The following FAM98C variants were observed in gnomAD, a reference collection of about 807,000 sequenced individuals.
FAM98C encodes the protein tRNA splicing ligase complex subunit 3C, also known as protein FAM98C.
A neutral mutation model predicts 41.1 loss-of-function variants in FAM98C; 38 were observed. That is an observed-to-expected ratio of 0.92 (90% CI 0.71 to 1.21). The LOEUF (loss-of-function observed/expected upper bound fraction) is 1.21, where lower values mean the gene tolerates loss of function less well. FAM98C is among the 50% of genes most tolerant of loss of function. FAM98C has a pLI of 0.00. For missense variants in FAM98C, 493 were observed against 484.7 expected, an observed-to-expected ratio of 1.02 and a Z score of -0.16; for synonymous variants, 195 against 216.7, an observed-to-expected ratio of 0.90 and a Z score of 0.88.
In FAM98C at chr19:38,403,376, C is replaced by A. The variant is rs760259240; in HGVS notation, c.104C>A (p.Ser35Ter). 35 of 1,470,630 alleles carry A rather than the reference C, an allele frequency of 2.4e-5. No homozygotes were observed. Among genetic ancestry groups the A allele is most frequent in the Non-Finnish European group, 3.1e-5 (35 of 1,125,640 alleles). The allele number at this position is 1,470,630 out of a possible 1,614,324, so 91.1% of individuals were successfully genotyped here. A position where few individuals can be genotyped will look rare whatever the true frequency, so the allele number is the denominator to read the frequency against. ...GVPGAASRGA[S>*]CPDFRGLCVR... ...CCGGGGGCGGCGTCGCGGGGCGCCTCATGCCCAGACTTCAGGGGGCTGTGC... is the reference window on the plus strand; with the variant it reads ...CCGGGGGCGGCGTCGCGGGGCGCCTAATGCCCAGACTTCAGGGGGCTGTGC... Residue 35 changes from serine to a stop codon, truncating the protein, a stop_gained, in exon 2 of 8, where the codon TCA becomes TAA. Coordinates refer to ENST00000252530, the MANE Select transcript of FAM98C (RefSeq NM_174905.4). LOFTEE classifies it high-confidence loss of function.
At position 38,405,628 on chromosome 19, in the gene FAM98C, G is replaced by A. The variant is rs200721594; in HGVS notation, c.743G>A (p.Arg248Gln). 24 of 1,614,108 alleles carry A rather than the reference G, an allele frequency of 1.5e-5. No individual in the cohort carries two copies. The highest frequency in any genetic ancestry group is 4.0e-5 in the African/African-American group (3 of 75,030). ...LTTSAFHWSD[R>Q]AEAQGEAMRA... ...ACATCTGCTTTCCACTGGAGTGACC[G>A]GGCAGAGGTGTGGTGGGCAGGGGAC... Residue 248 changes from arginine (R) to glutamine (Q), a missense_variant, in exon 6 of 8, where the codon CGG becomes CAG. Coordinates refer to ENST00000252530, the MANE Select transcript of FAM98C (RefSeq NM_174905.4).
intron 6 of FAM98C, chr19:38,405,859 A>ATTTTT: frequency 2.5e-6 from 1 of 392,202 alleles, no homozygotes. Flanking sequence ...ATACCCCATC[A>ATTTTT]TTTTTTTTTT....
At chr19:38,408,214 C>T (rs1971076219) in intron 7 of FAM98C, 1 of 152,082 alleles carries the variant, frequency 6.6e-6, no homozygotes, top group African/African-American at 2.4e-5. Context: ...CGCCACTGAG[C>T]TCCAGCCTGG....
intron 7 of FAM98C, 200 bp from the exon 8 acceptor site, chr19:38,408,551 T>A: frequency 3.2e-6 from 2 of 615,598 alleles, no homozygotes; most frequent in Non-Finnish European, 5.5e-6. Context: ...AGAGTGAGAC[T>A]CCGTCTCAAA....
At chr19:38,405,687 T>C in intron 6 of FAM98C, 52 bp downstream of exon 6, 2 of 1,553,848 alleles carry the variant, frequency 1.3e-6, no homozygotes. Flanking sequence ...TTGTGGGGGC[T>C]GCAGTTGCAG....
chr19:38,404,783 C>T (rs1971014763), intron 3 of FAM98C, 125 bp from the exon 4 acceptor site: 1 of 1,016,920 alleles, frequency 9.8e-7, no homozygotes, highest in Non-Finnish European at 1.5e-6. Flanking sequence ...CCCGCCTCTG[C>T]CTCCCAAAGT....
chr19:38,403,473 G>T lies in FAM98C; in HGVS notation c.201G>T (p.Leu67=), dbSNP rs1600526180. 1 of 1,407,470 alleles carries T rather than the reference G, an allele frequency of 7.1e-7. No individual in the cohort carries two copies. The highest frequency in any genetic ancestry group is 9.2e-7 in the Non-Finnish European group (1 of 1,092,070). The allele number at this position is 1,407,470 out of a possible 1,614,324, so 87.2% of individuals were successfully genotyped here. The part of the protein sequence containing the change: ...EQQREAGAEV[L]SAGDGPGAEE... ...AGCGAGAGGCGGGCGCGGAGGTGCTGAGCGCCGGCGACGGTAAACACGGAG... is the reference window on the plus strand; with the variant it reads ...AGCGAGAGGCGGGCGCGGAGGTGCTTAGCGCCGGCGACGGTAAACACGGAG... Residue 67 remains leucine (L), a synonymous_variant, in exon 2 of 8, where the codon CTG becomes CTT. Transcript: ENST00000252530.
At chr19:38,408,537 C>A (rs958205735) in intron 7 of FAM98C, 17 of 553,244 alleles carry the variant, frequency 3.1e-5, no homozygotes, top group African/African-American at 2.9e-4. Flanking sequence ...CCAGCCTGGG[C>A]AACAGAGTGA....
intron 6 of FAM98C, 109 bp from the exon 7 acceptor site, chr19:38,406,801 T>G: frequency 5.4e-5 from 62 of 1,155,786 alleles, no homozygotes; most frequent in Non-Finnish European, 7.4e-5. Context: ...AATATTTATT[T>G]GAGCTGTGGG....
At chr19:38,405,248 A>G in intron 4 of FAM98C, 96 bp from the exon 5 acceptor site, 2 of 1,513,770 alleles carry the variant, frequency 1.3e-6, no homozygotes, top group Non-Finnish European at 9.0e-7. Flanking sequence ...GCATTCTCAC[A>G]TCTGTGGCCT....
At chr19:38,407,162 C>T in intron 7 of FAM98C, 85 bp downstream of exon 7, 2 of 1,490,542 alleles carry the variant, frequency 1.3e-6, no homozygotes, top group Non-Finnish European at 1.8e-6. Flanking sequence ...AAGTTTCAGA[C>T]TTACCACCTC....
intron 6 of FAM98C, 178 bp from the exon 7 acceptor site, chr19:38,406,732 C>T: frequency 1.6e-6 from 1 of 618,378 alleles, no homozygotes; most frequent in South Asian, 2.2e-5. Flanking sequence ...CTGCAGTGAG[C>T]CACCATCACG....
At position 38,406,960 on chromosome 19, in the gene FAM98C, G is replaced by A. The variant is rs781455000; in HGVS notation, c.801G>A (p.Leu267=). ...RAVLIPIREV[L]TPESDISIAH... is the part of the protein sequence containing the mutation. Reference sequence around the variant, plus strand: ...TGCTGATCCCAATTCGAGAGGTTCTGACCCCAGAATCGGACATCTCCATTG... The same window carrying A: ...TGCTGATCCCAATTCGAGAGGTTCTAACCCCAGAATCGGACATCTCCATTG... The change falls in exon 7 of 8, where the codon CTG becomes CTA. Residue 267 remains leucine, a synonymous_variant. Coordinates refer to ENST00000252530, the MANE Select transcript of FAM98C (RefSeq NM_174905.4). 2.5e-6 allele frequency: 4 copies of A among 1,614,190 alleles called. No individual in the cohort carries two copies.
chr19:38,407,456 C>T (rs1600531057), intron 7 of FAM98C: 1 of 183,148 alleles, frequency 5.5e-6, no homozygotes, highest in Admixed American at 5.4e-5. Flanking sequence ...CTGCAACCTC[C>T]ACCTCCCGGG....
chr19:38,407,676 TA>T (rs199829761), intron 7 of FAM98C: 282 of 140,496 alleles, frequency 2.0e-3, no homozygotes, highest in African/African-American at 6.3e-3. Flanking sequence ...TTTAACCATT[TA>T]AAAAAAAAAA....
At position 38,406,902 on chromosome 19, in the gene FAM98C, C is replaced by T. The variant is rs751871392; in HGVS notation, c.751-8C>T. 6.2e-6 allele frequency: 10 copies of T among 1,612,432 alleles called. No homozygotes were observed. The East Asian group carries it at 1.6e-4, about 25-fold the overall frequency. The stretch of plus-strand genomic sequence containing the variant: ...AGGGTACCTTCTCTTACCTCCTCCC[C>T]ACTCCAGGCCCAAGGAGAGGCCATG... On this transcript the variant is annotated splice_polypyrimidine_tract_variant and splice_region_variant and intron_variant, in intron 6 of 7. Transcript: ENST00000252530.
In FAM98C at chr19:38,403,339, T is replaced by C; in HGVS notation, c.67T>C (p.Tyr23His). The change falls in exon 2 of 8, where the codon TAT (tyrosine) becomes CAT (histidine). Residue 23 changes from tyrosine (Y) to histidine (H), a missense_variant and splice_region_variant. Physicochemically the swap from Tyr to His is moderately conservative, Grantham distance 83. Transcript: ENST00000252530. ...AVAQDLLALG[Y>H]GGVPGAASRG... ...CTCCCGCTGCCTCGGTCCCCACAGG[T>C]ATGGAGGTGTCCCGGGGGCGGCGTC... is the stretch of plus-strand genomic sequence containing the variant. The C allele has an allele frequency of 1.3e-6, 2 of 1,482,012 alleles. No individual in the cohort carries two copies. The highest frequency in any genetic ancestry group is 2.9e-5 in the Admixed American group (1 of 35,052). 91.8% of individuals were successfully genotyped at this position (1,482,012 alleles called of 1,614,324 possible). A position where few individuals can be genotyped will look rare whatever the true frequency, so the allele number is the denominator to read the frequency against.
At position 38,406,963 on chromosome 19, in the gene FAM98C, C is replaced by G. The variant is rs1971048160; in HGVS notation, c.804C>G (p.Thr268=). The G allele has an allele frequency of 1.2e-6, 2 of 1,614,020 alleles. No homozygotes were observed. The highest frequency in any genetic ancestry group is 1.7e-6 in the Non-Finnish European group (2 of 1,180,030). Residue 268 remains threonine, a synonymous_variant, in exon 7 of 8, where the codon ACC becomes ACG. Coordinates refer to ENST00000252530, the MANE Select transcript of FAM98C (RefSeq NM_174905.4). ...AVLIPIREVL[T]PESDISIAHV... ...TGATCCCAATTCGAGAGGTTCTGAC[C>G]CCAGAATCGGACATCTCCATTGCAC...
chr19:38,405,324 C>T lies in FAM98C; in HGVS notation c.556-20C>T, dbSNP rs1971023534. On this transcript the variant is annotated intron_variant, in intron 4 of 7. Coordinates refer to ENST00000252530, the MANE Select transcript of FAM98C (RefSeq NM_174905.4). ...CCATCCTCTCTGCCCCAGTTGGCCT[C>T]TGACTTCTTCTCCCATCAGATCTCA... 6.2e-7 allele frequency: 1 copy of T among 1,612,206 alleles called. No individual in the cohort carries two copies. The highest frequency in any genetic ancestry group is 8.5e-7 in the Non-Finnish European group (1 of 1,178,992).
Sources: allele counts gnomAD v4.1 joint callset, GRCh38; gene constraint gnomAD v4.1.1; transcripts MANE v1.5; gene names NCBI Gene and HGNC (gene_info 2026-07-23, HGNC 2026-07-21).